Variants in KMT2C observed in about 807,000 individuals in gnomAD.
KMT2C encodes lysine methyltransferase 2C.
A neutral mutation model predicts 507.9 loss-of-function variants in KMT2C; 88 were observed. The observed-to-expected ratio is 0.17, with a 90% CI of 0.15 to 0.21. The LOEUF is 0.21. KMT2C is among the 10% of genes least tolerant of loss of function. The pLI, the probability that KMT2C is intolerant of heterozygous loss-of-function variation, is 1.00. For synonymous variants in KMT2C, 2,049 were observed against 2,080.8 expected, an observed-to-expected ratio of 0.98 and a Z score of 0.42; for missense variants, 4,954 against 5,957.8, an observed-to-expected ratio of 0.83 and a Z score of 5.55.
rs146757585 is a variant in KMT2C, at chr7:152,148,044, A to G, written c.13883T>C (p.Ile4628Thr). 35 of 1,582,566 alleles carry G rather than the reference A, an allele frequency of 2.2e-5. 1 individual carries two copies. The Middle Eastern group carries it at 6.8e-4, about 31-fold the overall frequency. ...QGHEDLVLSD[I>T]SPKGVWDKIL... ...ACGGCAGACGTTACCTTTAGGTGAGATGTCACTTAGAACCAGGTCTTCATG... is the reference window on the plus strand; with the variant it reads ...ACGGCAGACGTTACCTTTAGGTGAGGTGTCACTTAGAACCAGGTCTTCATG... Residue 4628 changes from isoleucine to threonine, a missense_variant, in exon 52 of 59, where the codon ATC (isoleucine) becomes ACC (threonine). Around this residue, in one of 29 missense-constraint regions of KMT2C, gnomAD observed 221 missense variants for 304.7 expected, o/e 0.73. Coordinates refer to ENST00000262189, the MANE Select transcript of KMT2C (RefSeq NM_170606.3). The surrounding 1 kb of genome is among the most constrained non-coding windows in gnomAD (Gnocchi z 7.1).
Position 152,368,050 on chromosome 7 carries a change from A to G in KMT2C, c.162-9375T>C, listed in dbSNP as rs924353389. 6 of 859,692 alleles carry G rather than the reference A, an allele frequency of 7.0e-6. No homozygotes were observed. In the African/African-American group the frequency reaches 1.0e-4, roughly 14 times the overall value. The allele number at this position is 859,692 out of a possible 1,614,324, so 53.3% of individuals were successfully genotyped here. A position where few individuals can be genotyped will look rare whatever the true frequency, so the allele number is the denominator to read the frequency against. On this transcript the variant is annotated intron_variant, in intron 1 of 58. Transcript: ENST00000262189. ...CCAGAAATAGATGATGAAGAAGAAA[A>G]TAAACTTGCTAAAAAGGTAAAGGAC...
chr7:152,192,657 T>C (rs1051218568), intron 31 of KMT2C, among the ~76,000 whole-genome samples: 2 of 152,172 alleles, frequency 1.3e-5, no homozygotes, highest in Non-Finnish European at 2.9e-5. Context: ...CAAGGTAAAT[T>C]TATGTTTAGA....
intron 2 of KMT2C, among the ~76,000 whole-genome samples, chr7:152,354,907 T>A (rs920836211): frequency 5.3e-5 from 8 of 152,240 alleles, no homozygotes; most frequent in African/African-American, 1.9e-4. Flanking sequence ...CAGAGGGAAG[T>A]AAAAGGCTCT....
intron 53 of KMT2C, among the ~76,000 whole-genome samples, chr7:152,146,262 C>T (rs938894847): frequency 2.0e-5 from 3 of 152,154 alleles, no homozygotes; most frequent in Non-Finnish European, 4.4e-5. Flanking sequence ...CACTGACATT[C>T]TGAGGTGGGA....
chr7:152,216,121 C>T (rs527664764), intron 23 of KMT2C, among the ~76,000 whole-genome samples: 10 of 152,286 alleles, frequency 6.6e-5, no homozygotes, highest in Non-Finnish European at 1.2e-4. Flanking sequence ...CCTCCCAACA[C>T]ATCCATACAC....
intron 14 of KMT2C, among the ~76,000 whole-genome samples, chr7:152,241,393 T>C (rs1379466096): frequency 2.6e-5 from 4 of 152,254 alleles, no homozygotes; most frequent in Non-Finnish European, 5.9e-5. Context: ...AGCGATACCA[T>C]GTTGGTCAGG....
chr7:152,361,463 T>C, intron 1 of KMT2C, among the ~76,000 whole-genome samples: 1 of 152,002 alleles, frequency 6.6e-6, no homozygotes, highest in East Asian at 1.9e-4. Context: ...CTCGGGAGGC[T>C]GAGGCAGGAG....
rs779204923 is a variant in KMT2C, at chr7:152,330,767, AAG to A, written c.251-30_251-29del. On this transcript the variant is annotated intron_variant, in intron 2 of 58. Transcript: ENST00000262189. Reference sequence around the variant, plus strand: ...GCTTAACAGTAAACAAGAGAAAACAAAGAGTCATTTTTGTGTTTATTTTAATC... The same window carrying A: ...GCTTAACAGTAAACAAGAGAAAACAAAGTCATTTTTGTGTTTATTTTAATC... 15 of 1,607,380 alleles carry A rather than the reference AAG, an allele frequency of 9.3e-6. No homozygotes were observed. In the East Asian group the frequency reaches 2.5e-4, roughly 26 times the overall value.
chr7:152,214,364 G>A (rs1349288786), intron 23 of KMT2C, among the ~76,000 whole-genome samples: 1 of 152,168 alleles, frequency 6.6e-6, no homozygotes, highest in Non-Finnish European at 1.5e-5. Flanking sequence ...CAGATGAATG[G>A]ATAAAGAAAT....
At chr7:152,342,792 A>G (rs995689905) in intron 2 of KMT2C, among the ~76,000 whole-genome samples, 7 of 152,230 alleles carry the variant, frequency 4.6e-5, no homozygotes, top group Admixed American at 6.5e-5. Context: ...TGCTTTCAAC[A>G]GCAGGAGGGG....
intron 1 of KMT2C, among the ~76,000 whole-genome samples, chr7:152,368,899 C>CT (rs961015240): frequency 6.6e-6 from 1 of 151,492 alleles, no homozygotes; most frequent in Non-Finnish European, 1.5e-5. Flanking sequence ...TTTTCTTTTT[C>CT]TTTTTTTTAT....
At chr7:152,194,183 A>G (rs748803256) in intron 30 of KMT2C, 46 bp downstream of exon 30, 2 of 1,562,550 alleles carry the variant, frequency 1.3e-6, no homozygotes, top group South Asian at 2.4e-5. Context: ...GGGTCCTGGT[A>G]TGGGGAACGC....
At position 152,356,900 on chromosome 7, in the gene KMT2C, T is replaced by TAAG. The variant is rs1370158060; in HGVS notation, c.250+1686_250+1687insCTT. ...GAGTGAGACTCCAACTCAAAAAGAA[T>TAAG]AATAATAATAATAATAATAATAATA... is the stretch of plus-strand genomic sequence containing the variant. On this transcript the variant is annotated intron_variant, in intron 2 of 58. Coordinates refer to ENST00000262189, the MANE Select transcript of KMT2C (RefSeq NM_170606.3). Among the ~76,000 whole-genome samples the TAAG allele has an allele frequency of 5.9e-3, 287 of 48,310 alleles. 2 individuals carry two copies. Among genetic ancestry groups the TAAG allele is most frequent in the Middle Eastern group, 0.023 (2 of 86 alleles). The allele number at this position is 48,310 out of a possible 152,430, so 31.7% of individuals were successfully genotyped here. A position where few individuals can be genotyped will look rare whatever the true frequency, so the allele number is the denominator to read the frequency against.
intron 6 of KMT2C, among the ~76,000 whole-genome samples, chr7:152,309,267 AAGTT>A (rs1472220777): frequency 6.6e-6 from 1 of 151,916 alleles, no homozygotes; most frequent in Non-Finnish European, 1.5e-5. Context: ...TAAAAGATTC[AAGTT>A]CACTGAGTAA....
chr7:152,163,609 T>G lies in KMT2C; in HGVS notation c.9968A>C (p.His3323Pro), dbSNP rs778241763. Residue 3323 changes from histidine (H) to proline (P), a missense_variant, in exon 43 of 59, where the codon CAT (histidine) becomes CCT (proline). Physicochemically the swap from His to Pro is moderately conservative, Grantham distance 77 (BLOSUM62 -2). Coordinates refer to ENST00000262189, the MANE Select transcript of KMT2C (RefSeq NM_170606.3). ...ACTGGGCATTCTAACAGGGCTAGTA[T>G]GGCCAGAAATAACTGTTGTGTGCTG... ...HQQHTTVISG[H>P]TSPVRMPSLP... The G allele has an allele frequency of 3.7e-6, 6 of 1,607,056 alleles. No individual in the cohort carries two copies. In the South Asian group the frequency reaches 6.7e-5, roughly 18 times the overall value.
chr7:152,204,723 AAAG>A (rs2094252146), intron 25 of KMT2C, among the ~76,000 whole-genome samples: 1 of 152,182 alleles, frequency 6.6e-6, no homozygotes, highest in Non-Finnish European at 1.5e-5. Context: ...TAAGGCAGTC[AAAG>A]AAAGGCTTTG....
chr7:152,198,618 T>C (rs1045482759), intron 27 of KMT2C, among the ~76,000 whole-genome samples: 1 of 152,160 alleles, frequency 6.6e-6, no homozygotes, highest in Non-Finnish European at 1.5e-5. Flanking sequence ...TGTAAATACA[T>C]CAAGTTCTCA....
intron 42 of KMT2C, among the ~76,000 whole-genome samples, chr7:152,166,698 A>G (rs2092742949): frequency 6.6e-6 from 1 of 152,214 alleles, no homozygotes; most frequent in South Asian, 2.1e-4. Flanking sequence ...AACTCCAAGT[A>G]AACAAAAATA....
intron 1 of KMT2C, among the ~76,000 whole-genome samples, chr7:152,374,128 T>C (rs1396735741): frequency 1.3e-5 from 2 of 148,748 alleles, no homozygotes; most frequent in Non-Finnish European, 3.0e-5. Flanking sequence ...GCCTGACCAA[T>C]ATGGTGAAAC....
Sources: allele counts gnomAD v4.1 joint callset (sites outside exome capture counted in the v4.1 genomes callset), GRCh38; gene constraint gnomAD v4.1.1; regional missense constraint gnomAD v4.1.1; non-coding constraint Gnocchi (gnomAD v3.1); transcripts MANE v1.5; gene names NCBI Gene and HGNC (gene_info 2026-07-23, HGNC 2026-07-21).